Variants in PRKAG2 observed in about 807,000 individuals in gnomAD.
PRKAG2 encodes the protein 5'-AMP-activated protein kinase subunit gamma-2.
Under a neutral mutation model 69.6 loss-of-function variants are expected in PRKAG2, and 26 were observed. The observed-to-expected ratio is 0.37, with a 90% CI of 0.27 to 0.52. PRKAG2 has a LOEUF of 0.52. PRKAG2 is among the 20% of genes least tolerant of loss of function. PRKAG2 has a pLI of 0.90. For synonymous variants in PRKAG2, 293 were observed against 285.0 expected, an observed-to-expected ratio of 1.03 and a Z score of -0.28; for missense variants, 557 against 740.0, an observed-to-expected ratio of 0.75 and a Z score of 2.87.
At chr7:151,641,829 G>A in intron 4 of PRKAG2, among the ~76,000 whole-genome samples, 1 of 152,022 alleles carries the variant, frequency 6.6e-6, no homozygotes, top group Admixed American at 6.6e-5. Flanking sequence ...TTTCTGTTAA[G>A]GGAAGACAAT....
rs1163334410 is a variant in PRKAG2 at position 151,773,023 on chromosome 7, AAG to A, written c.466+8127_466+8128del. Among the ~76,000 whole-genome samples, 268 of 55,048 alleles carry A rather than the reference AAG, an allele frequency of 4.9e-3. 4 individuals are homozygous for A. Among genetic ancestry groups the A allele is most frequent in the Middle Eastern group, 0.011 (1 of 88 alleles). The allele number at this position is 55,048 out of a possible 152,430, so 36.1% of individuals were successfully genotyped here. On this transcript the variant is annotated intron_variant, in intron 3 of 15. Coordinates refer to ENST00000287878, the MANE Select transcript of PRKAG2 (RefSeq NM_016203.4). Reference sequence around the variant, plus strand: ...AAAGAAAGAAAGAAAGAAAGAAAGAAAGAGAGAGAGAGAGAGAGAGAGAGAGA... The same window carrying A: ...AAAGAAAGAAAGAAAGAAAGAAAGAAAGAGAGAGAGAGAGAGAGAGAGAGA...
chr7:151,734,958 G>A (rs772163272), intron 3 of PRKAG2, among the ~76,000 whole-genome samples: 2 of 146,954 alleles, frequency 1.4e-5, no homozygotes, highest in Admixed American at 7.1e-5. Context: ...GGGTTCAAGC[G>A]ATTCTCCTGT....
chr7:151,615,516 T>C (rs1165598567), intron 5 of PRKAG2, among the ~76,000 whole-genome samples: 2 of 152,132 alleles, frequency 1.3e-5, no homozygotes, highest in Non-Finnish European at 2.9e-5. Flanking sequence ...ACAGATTTCG[T>C]GATGAAGATG....
rs529996328 is a variant in PRKAG2 at position 151,660,139 on chromosome 7, T to G, written c.684+15281A>C. 6.6e-5 allele frequency among the ~76,000 whole-genome samples: 10 copies of G among 152,340 alleles called. No individual in the cohort carries two copies. In the South Asian group the frequency reaches 2.1e-3, roughly 32 times the overall value. On this transcript the variant is annotated intron_variant, in intron 4 of 15. Transcript: ENST00000287878. ...TTAATACCACATCCCAATGCTAGTATTATTAGATCTGAGTAGTGAACACAT... is the reference window on the plus strand; with the variant it reads ...TTAATACCACATCCCAATGCTAGTAGTATTAGATCTGAGTAGTGAACACAT...
chr7:151,563,943 G>C (rs1805654105), intron 14 of PRKAG2, 135 bp downstream of exon 14: 21 of 1,174,398 alleles, frequency 1.8e-5, no homozygotes, highest in Non-Finnish European at 2.6e-5. Context: ...TGGGACAGGA[G>C]GGAATCCCAT....
chr7:151,846,922 G>C (rs1230505846), intron 1 of PRKAG2, among the ~76,000 whole-genome samples: 1 of 152,216 alleles, frequency 6.6e-6, no homozygotes, highest in Non-Finnish European at 1.5e-5. Context: ...TTTGCAAAGG[G>C]ATTTGTGTTT....
chr7:151,609,766 T>C (rs1028858829), intron 5 of PRKAG2, among the ~76,000 whole-genome samples: 3 of 152,156 alleles, frequency 2.0e-5, no homozygotes, highest in African/African-American at 7.2e-5. Flanking sequence ...CTCCTGGGAA[T>C]GGTTACTCCA....
At chr7:151,831,286 A>G (rs1259643545) in intron 1 of PRKAG2, among the ~76,000 whole-genome samples, 1 of 152,220 alleles carries the variant, frequency 6.6e-6, no homozygotes, top group African/African-American at 2.4e-5. Context: ...ATTTGTACAC[A>G]AATGTTTATA....
chr7:151,757,937 A>G (rs1391725311), intron 3 of PRKAG2, among the ~76,000 whole-genome samples: 1 of 152,222 alleles, frequency 6.6e-6, no homozygotes, highest in African/African-American at 2.4e-5. Flanking sequence ...TGTGGGCTGC[A>G]GTCAAAACGT....
chr7:151,845,423 T>C (rs1195523539), intron 1 of PRKAG2, among the ~76,000 whole-genome samples: 1 of 151,632 alleles, frequency 6.6e-6, no homozygotes, highest in East Asian at 2.0e-4. Context: ...GAAAAGCACA[T>C]TCATGAACCC....
chr7:151,793,726 G>A (rs891392809), intron 1 of PRKAG2, among the ~76,000 whole-genome samples: 1 of 152,244 alleles, frequency 6.6e-6, no homozygotes, highest in Non-Finnish European at 1.5e-5. Context: ...CTCTGGACAG[G>A]CCGGCCTTGC....
Position 151,876,518 on chromosome 7 carries a change from C to T in PRKAG2, c.103G>A (p.Val35Met), listed in dbSNP as rs778222674. ...GTGCTGGGACTCACCGGAATGTGCA[C>T]GCGCAGCGAACGCCTCTTCTGGCTG... is the stretch of plus-strand genomic sequence containing the variant. ...NASQKRRSLR[V>M]HIPDLSSFAM... Residue 35 changes from valine to methionine, a missense_variant, in exon 1 of 16, where the codon GTG (valine) becomes ATG (methionine). Physicochemically the swap from Val to Met is conservative, Grantham distance 21. Coordinates refer to ENST00000287878, the MANE Select transcript of PRKAG2 (RefSeq NM_016203.4). 1.2e-6 allele frequency: 2 copies of T among 1,606,848 alleles called. No homozygotes were observed. Among genetic ancestry groups the T allele is most frequent in the South Asian group, 2.2e-5 (2 of 91,070 alleles).
In PRKAG2 at chr7:151,615,011, G is replaced by C. The variant is rs529957843; in HGVS notation, c.754+17058C>G. On this transcript the variant is annotated intron_variant, in intron 5 of 15. Coordinates refer to ENST00000287878, the MANE Select transcript of PRKAG2 (RefSeq NM_016203.4). ...GAGAGGAGCCGTGTGGATCCAGAGG[G>C]AACCCCGAGACAGAAGCCGTGTGGA... Among the ~76,000 whole-genome samples, 4 of 152,242 alleles carry C rather than the reference G, an allele frequency of 2.6e-5. No individual in the cohort carries two copies. The South Asian group carries it at 8.3e-4, about 32-fold the overall frequency.
intron 5 of PRKAG2, chr7:151,631,772 T>C (rs139415944): frequency 2.1e-6 from 1 of 477,560 alleles, no homozygotes; most frequent in Non-Finnish European, 4.1e-6. Flanking sequence ...CACCTTGCTG[T>C]AATTCGAGTT....
At chr7:151,725,920 C>T (rs1370152739) in intron 3 of PRKAG2, among the ~76,000 whole-genome samples, 2 of 152,112 alleles carry the variant, frequency 1.3e-5, no homozygotes, top group African/African-American at 4.8e-5. Flanking sequence ...TTTTTCTATC[C>T]TAGGGATGAA....
intron 3 of PRKAG2, among the ~76,000 whole-genome samples, chr7:151,695,444 G>C (rs531861443): frequency 3.9e-5 from 6 of 152,188 alleles, no homozygotes; most frequent in Non-Finnish European, 7.4e-5. Context: ...CCAGAAGTAG[G>C]CATTTGTGAT....
At chr7:151,760,233 C>G (rs1024999575) in intron 3 of PRKAG2, among the ~76,000 whole-genome samples, 1 of 110,694 alleles carries the variant, frequency 9.0e-6, no homozygotes, top group Admixed American at 9.6e-5. Flanking sequence ...TGAGAGAGAG[C>G]TGGGTGTTTG....
At chr7:151,748,391 T>C (rs766700443) in intron 3 of PRKAG2, among the ~76,000 whole-genome samples, 10 of 152,154 alleles carry the variant, frequency 6.6e-5, no homozygotes, top group South Asian at 2.1e-4. Flanking sequence ...TTTCAAAAGA[T>C]TGATTTTTTT....
chr7:151,756,147 C>T lies in PRKAG2; in HGVS notation c.466+25005G>A, dbSNP rs972879952. ...GTCCCTCTGCCCCCAAAGCAGGTCTCGCCTCTGCACCATCGGTACAGTCCC... is the reference window on the plus strand; with the variant it reads ...GTCCCTCTGCCCCCAAAGCAGGTCTTGCCTCTGCACCATCGGTACAGTCCC... On this transcript the variant is annotated intron_variant, in intron 3 of 15. Transcript: ENST00000287878. This position sits in a 1 kb window ranked among gnomAD's most constrained non-coding sequence, Gnocchi z 4.9. Among the ~76,000 whole-genome samples, 10 of 152,160 alleles carry T rather than the reference C, an allele frequency of 6.6e-5. No homozygotes were observed. Among genetic ancestry groups the T allele is most frequent in the East Asian group, 1.9e-4 (1 of 5,170 alleles).
Sources: allele counts gnomAD v4.1 joint callset (sites outside exome capture counted in the v4.1 genomes callset), GRCh38; gene constraint gnomAD v4.1.1; non-coding constraint Gnocchi (gnomAD v3.1); transcripts MANE v1.5; gene names NCBI Gene and HGNC (gene_info 2026-07-23, HGNC 2026-07-21).